Variants in SETD5 observed in about 807,000 individuals in gnomAD.
SETD5 encodes the protein SET domain containing 5.
In SETD5, 44 loss-of-function variants were observed where a neutral mutation model predicts 153.3. The ratio of observed to expected loss-of-function variants is 0.29; its 90% CI spans 0.23 to 0.37. The LOEUF (loss-of-function observed/expected upper bound fraction) is 0.37, where lower values mean the gene tolerates loss of function less well. SETD5 is among the 10% of genes least tolerant of loss of function. The pLI is 1.00. For missense variants in SETD5, 1,544 were observed against 1,768.0 expected (o/e 0.87, Z 2.27); for synonymous variants, 716 against 645.2 (o/e 1.11, Z -1.66).
chr3:9,428,375 G>A (rs1395218215), intron 2 of SETD5, among the ~76,000 whole-genome samples: 1 of 152,172 alleles, frequency 6.6e-6, no homozygotes, highest in African/African-American at 2.4e-5. Flanking sequence ...ATTATTGACT[G>A]CTTGTGAAAC....
intron 8 of SETD5, 61 bp downstream of exon 8, chr3:9,440,759 G>A: frequency 1.9e-6 from 3 of 1,543,600 alleles, no homozygotes; most frequent in South Asian, 1.2e-5. Context: ...CCAGGAAGAG[G>A]GTAATGGATT....
intron 16 of SETD5, among the ~76,000 whole-genome samples, chr3:9,453,499 G>T (rs760630117): frequency 1.3e-5 from 2 of 151,936 alleles, no homozygotes; most frequent in African/African-American, 2.4e-5. Context: ...TTTTTTATTG[G>T]TTTTTGTCTT....
At chr3:9,439,736 A>T (rs1192010416) in intron 7 of SETD5, among the ~76,000 whole-genome samples, 1 of 152,174 alleles carries the variant, frequency 6.6e-6, no homozygotes, top group Admixed American at 6.5e-5. Flanking sequence ...GAGTATAGCA[A>T]AGTACCTCCT....
In SETD5 at chr3:9,433,984, A is replaced by T. The variant is rs1000976132; in HGVS notation, c.177+34A>T. The T allele has an allele frequency of 2.5e-6, 4 of 1,613,154 alleles. No homozygotes were observed. The African/African-American group carries it at 5.3e-5, about 22-fold the overall frequency. On this transcript the variant is annotated intron_variant, in intron 4 of 22. Coordinates refer to ENST00000402198, the MANE Select transcript of SETD5 (RefSeq NM_001080517.3). ...GCATTTGTTTCTCTCCAGAACAGTG[A>T]TCTTCCTGGAGTGTAATCCATTCTT...
intron 2 of SETD5, among the ~76,000 whole-genome samples, chr3:9,425,433 G>T (rs907064357): frequency 6.6e-6 from 1 of 152,046 alleles, no homozygotes; most frequent in Non-Finnish European, 1.5e-5. Flanking sequence ...AGTGAATGTA[G>T]CAATCATTTA....
intron 1 of SETD5, among the ~76,000 whole-genome samples, chr3:9,417,855 C>A (rs1401346680): frequency 2.0e-5 from 3 of 150,836 alleles, no homozygotes; most frequent in Non-Finnish European, 2.9e-5. Flanking sequence ...AAGTCTCTTA[C>A]AGTGTCTAGG....
chr3:9,437,554 A>AAT (rs909005415), intron 7 of SETD5, among the ~76,000 whole-genome samples: 38 of 122,512 alleles, frequency 3.1e-4, no homozygotes, highest in South Asian at 1.9e-3. Flanking sequence ...TGTGTGTATA[A>AAT]ATATATATAT....
At chr3:9,462,529 G>A (rs552305947) in intron 17 of SETD5, among the ~76,000 whole-genome samples, 5 of 150,686 alleles carry the variant, frequency 3.3e-5, no homozygotes, top group Middle Eastern at 3.4e-3. Context: ...GGACCTTGCA[G>A]TGAGCCGAGA....
At chr3:9,471,968 A>G (rs898034553) in intron 19 of SETD5, among the ~76,000 whole-genome samples, 1 of 152,218 alleles carries the variant, frequency 6.6e-6, no homozygotes, top group Non-Finnish European at 1.5e-5. Flanking sequence ...AAAACTGTCT[A>G]TATTTTTGTT....
chr3:9,437,227 A>G (rs985662900), intron 7 of SETD5, among the ~76,000 whole-genome samples: 11 of 152,120 alleles, frequency 7.2e-5, no homozygotes, highest in Non-Finnish European at 1.6e-4. Flanking sequence ...TGGTAATGAT[A>G]CAGGATCTCT....
chr3:9,411,199 C>T (rs2036521689), intron 1 of SETD5, among the ~76,000 whole-genome samples: 1 of 152,144 alleles, frequency 6.6e-6, no homozygotes, highest in Admixed American at 6.5e-5. Flanking sequence ...ATTTCAGGTA[C>T]ACTTGGGACA....
At chr3:9,455,158 TTC>T (rs1302981773) in intron 17 of SETD5, among the ~76,000 whole-genome samples, 1 of 145,102 alleles carries the variant, frequency 6.9e-6, no homozygotes, top group Non-Finnish European at 1.5e-5. Context: ...TTGCCTTTTT[TTC>T]TTTTTTTCTT....
At chr3:9,404,567 A>G (rs921964593) in intron 1 of SETD5, among the ~76,000 whole-genome samples, 4 of 152,194 alleles carry the variant, frequency 2.6e-5, no homozygotes, top group Admixed American at 1.3e-4. Flanking sequence ...GATTATTTCC[A>G]TAAATTTGTG....
intron 1 of SETD5, among the ~76,000 whole-genome samples, chr3:9,406,226 A>T (rs867224545): frequency 1.1e-4 from 17 of 152,328 alleles, no homozygotes; most frequent in African/African-American, 3.4e-4. Flanking sequence ...GCATATTTTT[A>T]AAAAAACTTT....
chr3:9,461,026 G>A (rs2043894906), intron 17 of SETD5, among the ~76,000 whole-genome samples: 1 of 152,120 alleles, frequency 6.6e-6, no homozygotes, highest in South Asian at 2.1e-4. Context: ...AAGGCAATCA[G>A]TAAACTGGGA....
chr3:9,445,633 C>T (rs1465623015), intron 12 of SETD5, 24 bp from the exon 13 acceptor site: 1 of 1,590,612 alleles, frequency 6.3e-7, no homozygotes, highest in Non-Finnish European at 8.6e-7. Context: ...TTGAGTACAG[C>T]TGAATATTGC....
intron 17 of SETD5, among the ~76,000 whole-genome samples, chr3:9,455,501 A>G (rs993424292): frequency 8.5e-5 from 13 of 152,150 alleles, no homozygotes; most frequent in Non-Finnish European, 1.9e-4. Context: ...CCTCAGGATA[A>G]TAAAATTCCA....
At chr3:9,425,575 C>CT (rs767789314) in intron 2 of SETD5, among the ~76,000 whole-genome samples, 3,895 of 108,054 alleles carry the variant, frequency 0.036, 258 homozygotes, top group African/African-American at 0.11. Context: ...AGAAACTGTA[C>CT]TTTTTTTTTT....
At chr3:9,408,473 A>G (rs2125492465) in intron 1 of SETD5, among the ~76,000 whole-genome samples, 1 of 152,300 alleles carries the variant, frequency 6.6e-6, no homozygotes, top group African/African-American at 2.4e-5. Context: ...TAAGGTCCAT[A>G]CCTTGATTGG....
Sources: allele counts gnomAD v4.1 joint callset (sites outside exome capture counted in the v4.1 genomes callset), GRCh38; gene constraint gnomAD v4.1.1; transcripts MANE v1.5; gene names NCBI Gene and HGNC (gene_info 2026-07-23, HGNC 2026-07-21).